Variants in YAP1 observed in about 807,000 individuals in gnomAD.
YAP1 encodes transcriptional coactivator YAP1.
YAP1 carries 5 observed loss-of-function variants against 56.9 expected under a neutral mutation model. That is an observed-to-expected ratio of 0.09 (90% CI 0.05 to 0.18). The LOEUF is 0.18. Among genes scored for constraint, YAP1 ranks in the 10% least tolerant of loss-of-function variants. The pLI is 1.00. For missense variants in YAP1, 539 were observed against 651.8 expected (o/e 0.83, Z 1.88); for synonymous variants, 265 against 248.1 (o/e 1.07, Z -0.64).
intron 2 of YAP1, among the ~76,000 whole-genome samples, chr11:102,125,956 T>G (rs1416631685): frequency 6.6e-6 from 1 of 152,068 alleles, no homozygotes. Flanking sequence ...TAGCTAAGTC[T>G]GCCAGTCTGG....
Position 102,114,284 on chromosome 11 carries a change from A to G in YAP1, c.462A>G (p.Thr154=). 6.2e-7 allele frequency: 1 copy of G among 1,614,148 alleles called. No individual in the cohort carries two copies. The highest frequency in any genetic ancestry group is 1.1e-5 in the South Asian group (1 of 91,082). The change falls in exon 2 of 9, where the codon ACA becomes ACG. Residue 154 remains threonine (T), a synonymous_variant. Transcript: ENST00000282441. ...PTGVVSGPAA[T]PTAQHLRQSS... ...GAGTAGTCTCTGGCCCAGCAGCTAC[A>G]CCCACAGCTCAGCATCTTCGACAGT...
At chr11:102,159,500 C>T (rs906285865) in intron 2 of YAP1, among the ~76,000 whole-genome samples, 4 of 152,180 alleles carry the variant, frequency 2.6e-5, no homozygotes, top group African/African-American at 9.6e-5. Flanking sequence ...TAAACTAGAC[C>T]TGTCATCTTC....
At chr11:102,197,053 T>C (rs980818604) in intron 4 of YAP1, among the ~76,000 whole-genome samples, 5 of 152,186 alleles carry the variant, frequency 3.3e-5, no homozygotes, top group African/African-American at 1.2e-4. Context: ...GTGTTTTGTG[T>C]TTTGTTTTTA....
chr11:102,198,813 T>C (rs1429233275), intron 4 of YAP1, among the ~76,000 whole-genome samples: 1 of 152,172 alleles, frequency 6.6e-6, no homozygotes, highest in East Asian at 1.9e-4. Flanking sequence ...TGTGGAAATA[T>C]GTTGAGTGTT....
At chr11:102,120,567 C>G (rs1943588958) in intron 2 of YAP1, among the ~76,000 whole-genome samples, 1 of 152,176 alleles carries the variant, frequency 6.6e-6, no homozygotes, top group Non-Finnish European at 1.5e-5. Flanking sequence ...GGATGTTAGT[C>G]ACTCGACTAT....
intron 6 of YAP1, among the ~76,000 whole-genome samples, chr11:102,213,911 C>G (rs1389649661): frequency 6.6e-6 from 1 of 152,116 alleles, no homozygotes; most frequent in Admixed American, 6.5e-5. Flanking sequence ...AAGTCCATCT[C>G]TACTAAAAAC....
intron 6 of YAP1, among the ~76,000 whole-genome samples, chr11:102,219,437 T>G (rs905119732): frequency 6.6e-6 from 1 of 152,126 alleles, no homozygotes; most frequent in African/African-American, 2.4e-5. Flanking sequence ...ACGGAGAGTT[T>G]CTTCAAAAAG....
At chr11:102,161,763 G>A (rs1446720717) in intron 2 of YAP1, among the ~76,000 whole-genome samples, 1 of 152,172 alleles carries the variant, frequency 6.6e-6, no homozygotes, top group Non-Finnish European at 1.5e-5. Flanking sequence ...CGTGCTAGAT[G>A]CCTTGCAGTC....
chr11:102,189,905 C>G (rs1026800870), intron 4 of YAP1, among the ~76,000 whole-genome samples: 2 of 152,108 alleles, frequency 1.3e-5, no homozygotes, highest in African/African-American at 4.8e-5. Flanking sequence ...TTGAGACATT[C>G]ATTAACATTT....
At chr11:102,116,067 A>G (rs1943266714) in intron 2 of YAP1, among the ~76,000 whole-genome samples, 1 of 152,186 alleles carries the variant, frequency 6.6e-6, no homozygotes, top group South Asian at 2.1e-4. Context: ...TTTTGAATGA[A>G]TGATCTTTTT....
chr11:102,225,184 A>C (rs1240066371), intron 7 of YAP1, among the ~76,000 whole-genome samples: 1 of 150,324 alleles, frequency 6.7e-6, no homozygotes, highest in Non-Finnish European at 1.5e-5. Flanking sequence ...TTTTTCTTTA[A>C]AAAAAAAAAC....
At chr11:102,173,771 C>G (rs1416983365) in intron 3 of YAP1, among the ~76,000 whole-genome samples, 3 of 152,158 alleles carry the variant, frequency 2.0e-5, no homozygotes, top group African/African-American at 7.2e-5. Context: ...ACTATACTGT[C>G]TTTCTGGAGT....
intron 3 of YAP1, among the ~76,000 whole-genome samples, chr11:102,170,528 G>C (rs1946843162): frequency 6.6e-6 from 1 of 152,120 alleles, no homozygotes; most frequent in African/African-American, 2.4e-5. Flanking sequence ...CTTCTAAAAA[G>C]GGGGAAACAT....
At chr11:102,215,180 G>T (rs1466331866) in intron 6 of YAP1, among the ~76,000 whole-genome samples, 1 of 152,088 alleles carries the variant, frequency 6.6e-6, no homozygotes, top group African/African-American at 2.4e-5. Context: ...TGGAAGAAAT[G>T]GCATTTTTTT....
At chr11:102,183,700 T>TTC (rs1407307305) in intron 3 of YAP1, among the ~76,000 whole-genome samples, 1 of 98,004 alleles carries the variant, frequency 1.0e-5, no homozygotes, top group Admixed American at 9.9e-5. Flanking sequence ...ATAATGCTGT[T>TTC]TCTGTGTGTG....
chr11:102,153,346 C>T (rs2135359432), intron 2 of YAP1, among the ~76,000 whole-genome samples: 1 of 152,314 alleles, frequency 6.6e-6, no homozygotes, highest in Admixed American at 6.5e-5. Flanking sequence ...TCTTCCACTG[C>T]TCCTCCCCAC....
At chr11:102,186,539 A>C in intron 4 of YAP1, 1 of 235,796 alleles carries the variant, frequency 4.2e-6, no homozygotes, top group Non-Finnish European at 8.2e-6. Flanking sequence ...TTAGGTTCTG[A>C]GAGTGATGAG....
At chr11:102,134,365 C>T (rs60304309) in intron 2 of YAP1, among the ~76,000 whole-genome samples, 76,393 of 151,502 alleles carry the variant, frequency 0.5, 21,107 homozygotes, top group South Asian at 0.67. Context: ...TGCAGATATA[C>T]GATTGAGAGT....
intron 2 of YAP1, among the ~76,000 whole-genome samples, chr11:102,124,087 G>C (rs1943878516): frequency 6.6e-6 from 1 of 152,032 alleles, no homozygotes; most frequent in Non-Finnish European, 1.5e-5. Context: ...GAGTAGCCGG[G>C]ATTACAGGCG....
Sources: allele counts gnomAD v4.1 joint callset (sites outside exome capture counted in the v4.1 genomes callset), GRCh38; gene constraint gnomAD v4.1.1; transcripts MANE v1.5; gene names NCBI Gene and HGNC (gene_info 2026-07-23, HGNC 2026-07-21).